Variants in WWP1 observed in about 807,000 individuals in gnomAD.
WWP1 encodes WW domain containing E3 ubiquitin protein ligase 1, also known as NEDD4-like E3 ubiquitin-protein ligase WWP1.
In WWP1, 49 loss-of-function variants were observed where a neutral mutation model predicts 130.6. That is an observed-to-expected ratio of 0.38 (90% CI 0.30 to 0.48). WWP1 has a LOEUF of 0.48. Ranked by LOEUF, WWP1 falls within the 20% of genes least tolerant of loss-of-function variation. The pLI, the probability that WWP1 is intolerant of heterozygous loss-of-function variation, is 0.99. For missense variants in WWP1, 809 were observed against 1,100.6 expected, an observed-to-expected ratio of 0.74 and a Z score of 3.75; for synonymous variants, 332 against 367.8, an observed-to-expected ratio of 0.90 and a Z score of 1.11.
intron 1 of WWP1, among the ~76,000 whole-genome samples, chr8:86,344,160 A>T (rs371852452): frequency 6.6e-6 from 1 of 152,320 alleles, no homozygotes; most frequent in South Asian, 2.1e-4. Context: ...TAGTATTTTA[A>T]AAAATGGAAA....
intron 3 of WWP1, among the ~76,000 whole-genome samples, chr8:86,376,765 C>G (rs1015716376): frequency 5.9e-5 from 9 of 152,148 alleles, no homozygotes; most frequent in African/African-American, 1.9e-4. Context: ...AGTTGCTGCT[C>G]TCCTTTGAAA....
chr8:86,361,987 T>TACACAC (rs1563465094), intron 1 of WWP1, among the ~76,000 whole-genome samples: 1 of 135,980 alleles, frequency 7.4e-6, no homozygotes, highest in Non-Finnish European at 1.6e-5. Context: ...TATATATATA[T>TACACAC]ATATACATAT....
chr8:86,457,440 T>A (rs1346139477), intron 21 of WWP1, among the ~76,000 whole-genome samples: 1 of 151,908 alleles, frequency 6.6e-6, no homozygotes, highest in Non-Finnish European at 1.5e-5. Context: ...TCTATCTATC[T>A]ATCTATCTAT....
intron 1 of WWP1, among the ~76,000 whole-genome samples, chr8:86,360,678 G>C (rs1823538820): frequency 6.6e-6 from 1 of 152,210 alleles, no homozygotes; most frequent in African/African-American, 2.4e-5. Flanking sequence ...CCAGACTCTG[G>C]CGTAGGTTCT....
rs555400910 is a variant in WWP1 at position 86,396,412 on chromosome 8, TTG to T, written c.335-1919_335-1918del. 7.9e-5 allele frequency among the ~76,000 whole-genome samples: 12 copies of T among 151,998 alleles called. No individual in the cohort carries two copies. The South Asian group carries it at 1.7e-3, about 21-fold the overall frequency. On this transcript the variant is annotated intron_variant, in intron 5 of 24. Transcript: ENST00000517970. Reference sequence around the variant, plus strand: ...CTGCGCCTGGCTGCTTTTGTAGTTTTTGTGTGTGTGTGCTTTCGTATTTCCTT... The same window carrying T: ...CTGCGCCTGGCTGCTTTTGTAGTTTTTGTGTGTGTGCTTTCGTATTTCCTT...
chr8:86,425,536 T>C (rs913669608), intron 10 of WWP1, among the ~76,000 whole-genome samples: 10 of 152,182 alleles, frequency 6.6e-5, no homozygotes, highest in African/African-American at 1.7e-4. Context: ...CTGAGAGAAG[T>C]TGCAAAATTT....
chr8:86,438,977 G>A (rs1810446945), intron 17 of WWP1, among the ~76,000 whole-genome samples: 1 of 151,886 alleles, frequency 6.6e-6, no homozygotes, highest in Non-Finnish European at 1.5e-5. Context: ...TATATAGTGT[G>A]GGCATCTTTC....
chr8:86,373,096 A>G (rs1165188122), intron 2 of WWP1, among the ~76,000 whole-genome samples: 13 of 149,102 alleles, frequency 8.7e-5, no homozygotes, highest in Non-Finnish European at 1.5e-5. Flanking sequence ...GTAATTTCCA[A>G]CATGGTTTCT....
At chr8:86,347,606 A>G (rs892604400) in intron 1 of WWP1, among the ~76,000 whole-genome samples, 2 of 152,174 alleles carry the variant, frequency 1.3e-5, no homozygotes, top group African/African-American at 4.8e-5. Flanking sequence ...TTGGTAGGTG[A>G]TATTTAAATT....
At chr8:86,354,276 C>G (rs1036137022) in intron 1 of WWP1, among the ~76,000 whole-genome samples, 9 of 152,128 alleles carry the variant, frequency 5.9e-5, no homozygotes, top group Non-Finnish European at 1.0e-4. Context: ...TCAGAATTTT[C>G]TTGAATTTTG....
intron 11 of WWP1, among the ~76,000 whole-genome samples, chr8:86,430,450 A>G (rs187986372): frequency 6.6e-6 from 1 of 151,424 alleles, no homozygotes; most frequent in Non-Finnish European, 1.5e-5. Context: ...CTGGCTAATT[A>G]AAAAAAAATT....
intron 5 of WWP1, among the ~76,000 whole-genome samples, chr8:86,393,163 T>C (rs1473734071): frequency 6.6e-6 from 1 of 152,046 alleles, no homozygotes; most frequent in Non-Finnish European, 1.5e-5. Context: ...AGAGCTCTTA[T>C]TTTTTTCTCT....
At chr8:86,348,177 A>T (rs565766223) in intron 1 of WWP1, among the ~76,000 whole-genome samples, 1 of 152,160 alleles carries the variant, frequency 6.6e-6, no homozygotes, top group Non-Finnish European at 1.5e-5. Context: ...TTTTTAAGTT[A>T]TAAGGAAGAG....
chr8:86,362,029 TACAC>T (rs1231608346), intron 1 of WWP1, among the ~76,000 whole-genome samples: 2 of 132,358 alleles, frequency 1.5e-5, no homozygotes, highest in Non-Finnish European at 3.2e-5. Context: ...CACATATATA[TACAC>T]ACACATATAT....
chr8:86,355,346 C>G (rs1823190573), intron 1 of WWP1, among the ~76,000 whole-genome samples: 1 of 152,266 alleles, frequency 6.6e-6, no homozygotes, highest in South Asian at 2.1e-4. Flanking sequence ...CTGAGTAATT[C>G]TCTTAATCAC....
intron 9 of WWP1, among the ~76,000 whole-genome samples, chr8:86,418,326 G>C (rs923865062): frequency 2.6e-5 from 4 of 152,154 alleles, no homozygotes; most frequent in African/African-American, 9.7e-5. Flanking sequence ...ATGGTTTGTA[G>C]CGTTTCCTTG....
intron 11 of WWP1, among the ~76,000 whole-genome samples, chr8:86,429,523 ATTTTC>A (rs1319755212): frequency 6.6e-6 from 1 of 152,310 alleles, no homozygotes; most frequent in East Asian, 1.9e-4. Context: ...GAATACTTAT[ATTTTC>A]TTCAGAATAT....
intron 5 of WWP1, among the ~76,000 whole-genome samples, chr8:86,396,173 A>G (rs192165032): frequency 6.6e-6 from 1 of 151,772 alleles, no homozygotes; most frequent in Non-Finnish European, 1.5e-5. Context: ...ATCTCAGCTC[A>G]TTGCAACTTC....
chr8:86,433,619 T>A (rs1810116489), intron 14 of WWP1, among the ~76,000 whole-genome samples: 1 of 151,982 alleles, frequency 6.6e-6, no homozygotes, highest in Non-Finnish European at 1.5e-5. Context: ...TCACAGTTGA[T>A]AACTCCACTC....
Sources: gnomAD v4.1 joint callset for allele counts (sites outside exome capture counted in the v4.1 genomes callset) on GRCh38, gnomAD v4.1.1 for gene constraint, MANE v1.5 for transcripts, NCBI Gene and HGNC (gene_info 2026-07-23, HGNC 2026-07-21) for gene names.